Variants in DNAI7 observed in about 807,000 individuals in gnomAD.
DNAI7 encodes cancer susceptibility 1.
A neutral mutation model predicts 86.6 loss-of-function variants in DNAI7; 78 were observed. That is an observed-to-expected ratio of 0.90 (90% CI 0.75 to 1.09). The LOEUF (loss-of-function observed/expected upper bound fraction) is 1.09. Ranked by LOEUF, DNAI7 falls within the 50% of genes least tolerant of loss-of-function variation. The pLI is 0.00. For synonymous variants in DNAI7, 274 were observed against 273.0 expected (o/e 1.00, Z -0.04); for missense variants, 753 against 810.2 (o/e 0.93, Z 0.86).
At chr12:25,112,399 GT>G (rs10602859) in intron 13 of DNAI7, among the ~76,000 whole-genome samples, 45,716 of 105,172 alleles carry the variant, frequency 0.43, 8,538 homozygotes, top group East Asian at 0.71. Context: ...TTCACATCTG[GT>G]TTTTTTTTTT....
Position 25,111,830 on chromosome 12 carries a change from G to A in DNAI7, c.1721C>T (p.Ala574Val). 6.2e-7 allele frequency: 1 copy of A among 1,604,462 alleles called. No individual in the cohort carries two copies. Among genetic ancestry groups the A allele is most frequent in the Non-Finnish European group, 8.5e-7 (1 of 1,174,738 alleles). The change falls in exon 14 of 16, where the codon GCT becomes GTT. Residue 574 changes from alanine to valine, a missense_variant. Ala to Val is a moderately conservative substitution (Grantham distance 64). Coordinates refer to ENST00000395987, the MANE Select transcript of DNAI7 (RefSeq NM_018272.5). ...TCTAGTAGGAAAGATATTCAGTCCA[G>A]CTTCTTTCAAAGCAATAATGAAAGG... ...PIPFIIALKE[A>V]GLNIFPTRHS...
chr12:25,141,539 G>A (rs1374317899), intron 9 of DNAI7, among the ~76,000 whole-genome samples: 1 of 152,136 alleles, frequency 6.6e-6, no homozygotes, highest in Non-Finnish European at 1.5e-5. Context: ...CTGCAAAAAT[G>A]GCCATAATTG....
intron 2 of DNAI7, among the ~76,000 whole-genome samples, chr12:25,189,411 C>A (rs1950309082): frequency 6.6e-6 from 1 of 152,142 alleles, no homozygotes; most frequent in Non-Finnish European, 1.5e-5. Flanking sequence ...GAGGCTGAGG[C>A]CGGCAGATCA....
chr12:25,124,032 TTG>T (rs57454187), intron 9 of DNAI7, among the ~76,000 whole-genome samples: 5,706 of 144,616 alleles, frequency 0.039, 382 homozygotes, highest in African/African-American at 0.13. Flanking sequence ...AGTATAAAAA[TTG>T]TGTGTGTGTG....
intron 3 of DNAI7, among the ~76,000 whole-genome samples, chr12:25,159,873 C>T (rs929804405): frequency 6.6e-6 from 1 of 152,042 alleles, no homozygotes; most frequent in Non-Finnish European, 1.5e-5. Context: ...TATCTAAATA[C>T]TCAGATTTTA....
Position 25,108,824 on chromosome 12 carries a change from C to CAAAAAAAAAA in DNAI7, c.1894-2_1894-1insTTTTTTTTTT. On this transcript the variant is annotated splice_acceptor_variant, in intron 15 of 15. Transcript: ENST00000395987. LOFTEE classifies it high-confidence loss of function. The stretch of plus-strand genomic sequence containing the variant: ...ATGCTTCAGTAAGGTGTTCCCTCAC[C>CAAAAAAAAAA]TAAAAAAAAAAAAAATTCAAGCAAG... 7.0e-5 allele frequency: 8 copies of CAAAAAAAAAA among 113,570 alleles called. 2 individuals are homozygous for CAAAAAAAAAA. The South Asian group carries it at 1.6e-3, about 22-fold the overall frequency. 7.0% of individuals were successfully genotyped at this position (113,570 alleles called of 1,614,324 possible).
rs910595061 is a variant in DNAI7, at chr12:25,154,444, T to C, written c.313A>G (p.Ile105Val). 5 of 1,608,912 alleles carry C rather than the reference T, an allele frequency of 3.1e-6. No individual in the cohort carries two copies. The highest frequency in any genetic ancestry group is 3.4e-6 in the Non-Finnish European group (4 of 1,178,974). ...TKLLSQWKHY[I>V]QCDGSPDPSV... is the part of the protein sequence containing the mutation. ...GGATCAGGACTCCCATCACATTGAA[T>C]GTAGTGCTTCCACTGTGGAATAAAA... The change falls in exon 6 of 16, where the codon ATT becomes GTT. Residue 105 changes from isoleucine to valine, a missense_variant. Ile to Val is a conservative substitution (Grantham distance 29). Coordinates refer to ENST00000395987, the MANE Select transcript of DNAI7 (RefSeq NM_018272.5).
chr12:25,153,283 G>A (rs1301700190), intron 6 of DNAI7, among the ~76,000 whole-genome samples: 1 of 152,082 alleles, frequency 6.6e-6, no homozygotes, highest in Non-Finnish European at 1.5e-5. Context: ...TTAGCCAGGT[G>A]TGGTGGCACA....
intron 1 of DNAI7, 102 bp downstream of exon 1, chr12:25,194,974 T>C: frequency 6.2e-7 from 1 of 1,614,204 alleles, no homozygotes; most frequent in Non-Finnish European, 8.5e-7. Flanking sequence ...ACCGACCCGC[T>C]TCGCTGTAAA....
chr12:25,115,438 G>A (rs1054688549), intron 12 of DNAI7, among the ~76,000 whole-genome samples: 2 of 152,136 alleles, frequency 1.3e-5, no homozygotes. Context: ...CCCAGGCAAC[G>A]ATTAATGTAC....
Position 25,110,035 on chromosome 12 carries a change from A to C in DNAI7, c.1893+92T>G, listed in dbSNP as rs1299279245. 5.8e-6 allele frequency: 4 copies of C among 684,934 alleles called. No individual in the cohort carries two copies. The East Asian group carries it at 1.0e-4, about 18-fold the overall frequency. The allele number at this position is 684,934 out of a possible 1,614,324, so 42.4% of individuals were successfully genotyped here. A position where few individuals can be genotyped will look rare whatever the true frequency, so the allele number is the denominator to read the frequency against. ...TGTTAATTTTTTTAACTTTTCTAAG[A>C]GGGGAAGCCATGGTCTACATTCATT... On this transcript the variant is annotated intron_variant, in intron 15 of 15. Coordinates refer to ENST00000395987, the MANE Select transcript of DNAI7 (RefSeq NM_018272.5).
chr12:25,144,418 G>C lies in DNAI7; in HGVS notation c.949C>G (p.Gln317Glu). 1 of 1,614,056 alleles carries C rather than the reference G, an allele frequency of 6.2e-7. No homozygotes were observed. The highest frequency in any genetic ancestry group is 8.5e-7 in the Non-Finnish European group (1 of 1,179,960). ...KQQERGSHLI[Q>E]EEEIKVEEEQ... is the part of the protein sequence containing the mutation. Reference sequence around the variant, plus strand: ...TCCTCAACTTTTATTTCTTCCTCCTGAATTAAGTGAGACCCTCTTTCTTGT... The same window carrying C: ...TCCTCAACTTTTATTTCTTCCTCCTCAATTAAGTGAGACCCTCTTTCTTGT... Residue 317 changes from glutamine to glutamate, a missense_variant, in exon 9 of 16, where the codon CAG becomes GAG. By Grantham distance (29) the Gln-to-Glu change is conservative. Coordinates refer to ENST00000395987, the MANE Select transcript of DNAI7 (RefSeq NM_018272.5).
At chr12:25,120,317 G>GA (rs1941020491) in intron 11 of DNAI7, among the ~76,000 whole-genome samples, 1 of 80,766 alleles carries the variant, frequency 1.2e-5, no homozygotes, top group African/African-American at 3.3e-5. Flanking sequence ...GCAGGAAGAG[G>GA]GAGAGAGAGA....
At chr12:25,147,166 T>TA in intron 7 of DNAI7, 62 bp from the exon 8 acceptor site, 1 of 817,006 alleles carries the variant, frequency 1.2e-6, no homozygotes, top group Non-Finnish European at 2.1e-6. Context: ...ACAAATTAGA[T>TA]AAGTTACTTT....
intron 7 of DNAI7, among the ~76,000 whole-genome samples, chr12:25,147,479 A>C (rs12371080): frequency 0.68 from 102,512 of 150,260 alleles, 38,983 homozygotes; most frequent in East Asian, 0.99. Context: ...TAATGAGACC[A>C]CCCCCATCTC....
At position 25,175,344 on chromosome 12, in the gene DNAI7, G is replaced by GTGGA. The variant is rs200516484; in HGVS notation, c.22-14151_22-14148dup. On this transcript the variant is annotated intron_variant, in intron 2 of 15. Coordinates refer to ENST00000395987, the MANE Select transcript of DNAI7 (RefSeq NM_018272.5). ...TTTGTCTGCCTTCCTTCCCATTGCA[G>GTGGA]TGGATGAACTATATGTTTTGCTTTT... is the stretch of plus-strand genomic sequence containing the variant. Among the ~76,000 whole-genome samples the GTGGA allele has an allele frequency of 1.7e-4, 26 of 152,132 alleles. No homozygotes were observed. In the East Asian group the frequency reaches 5.0e-3, roughly 29 times the overall value.
chr12:25,193,052 G>A (rs1051112082), intron 1 of DNAI7, among the ~76,000 whole-genome samples: 2 of 151,744 alleles, frequency 1.3e-5, no homozygotes, highest in African/African-American at 4.8e-5. Context: ...AGGCTGAGTT[G>A]GGAAGATTGC....
At chr12:25,171,352 C>A (rs905406299) in intron 2 of DNAI7, among the ~76,000 whole-genome samples, 8 of 152,160 alleles carry the variant, frequency 5.3e-5, no homozygotes, top group African/African-American at 1.9e-4. Context: ...CACCTTTATG[C>A]GCATAAACTA....
intron 12 of DNAI7, among the ~76,000 whole-genome samples, 177 bp from the exon 13 acceptor site, chr12:25,115,047 ACCT>A (rs1427696901): frequency 6.6e-6 from 1 of 152,206 alleles, no homozygotes; most frequent in Non-Finnish European, 1.5e-5. Context: ...ATCAAGTCCC[ACCT>A]CCTCAGCATG....
Sources: allele counts gnomAD v4.1 joint callset (sites outside exome capture counted in the v4.1 genomes callset), GRCh38; gene constraint gnomAD v4.1.1; transcripts MANE v1.5; gene names NCBI Gene and HGNC (gene_info 2026-07-23, HGNC 2026-07-21).